CNTN5: variants seen among roughly 807,000 people sequenced by gnomAD.
CNTN5 encodes contactin-5.
A neutral mutation model predicts 129.1 loss-of-function variants in CNTN5; 77 were observed. The observed-to-expected ratio is 0.60, with a 90% CI of 0.50 to 0.72. The LOEUF (loss-of-function observed/expected upper bound fraction) is 0.72. CNTN5 is among the 30% of genes least tolerant of loss of function. CNTN5 has a pLI of 0.00. For missense variants in CNTN5, 1,478 were observed against 1,328.8 expected (o/e 1.11, Z -1.75); for synonymous variants, 509 against 465.6 (o/e 1.09, Z -1.20).
chr11:99,217,337 C>T (rs1860181604), intron 1 of CNTN5, among the ~76,000 whole-genome samples: 1 of 152,108 alleles, frequency 6.6e-6, no homozygotes, highest in South Asian at 2.1e-4. Context: ...AAACTGTCAA[C>T]ATTACTAATT....
At chr11:99,045,535 A>C (rs570491626) in intron 1 of CNTN5, among the ~76,000 whole-genome samples, 15 of 152,354 alleles carry the variant, frequency 9.8e-5, no homozygotes, top group African/African-American at 3.4e-4. Flanking sequence ...GAGAACTGCA[A>C]TAAATTACAA....
chr11:99,307,456 C>T (rs1157259986), intron 1 of CNTN5, among the ~76,000 whole-genome samples: 1 of 152,116 alleles, frequency 6.6e-6, no homozygotes, highest in Non-Finnish European at 1.5e-5. Context: ...TCAAAAAATG[C>T]ATATTTTCTC....
Position 99,695,428 on chromosome 11 carries a change from A to G in CNTN5, c.56-124116A>G, listed in dbSNP as rs150849743. On this transcript the variant is annotated intron_variant, in intron 3 of 24. Transcript: ENST00000524871. ...ACCAGGGTGTTGCCTGCAAAAGGCT[A>G]AAACTCAGAGACATGGGATACAAGT... Among the ~76,000 whole-genome samples the G allele has an allele frequency of 2.9e-3, 443 of 152,296 alleles. 1 individual carries two copies. Among genetic ancestry groups the G allele is most frequent in the Middle Eastern group, 0.024 (7 of 294 alleles).
intron 3 of CNTN5, among the ~76,000 whole-genome samples, chr11:99,808,647 G>A (rs373360766): frequency 6.6e-6 from 1 of 152,078 alleles, no homozygotes; most frequent in African/African-American, 2.4e-5. Flanking sequence ...GGGATTCCTA[G>A]GCAACTTTTT....
intron 3 of CNTN5, among the ~76,000 whole-genome samples, chr11:99,635,397 T>G (rs1283631631): frequency 2.6e-5 from 4 of 152,118 alleles, no homozygotes; most frequent in African/African-American, 7.2e-5. Flanking sequence ...TCCTTTAAAA[T>G]TAGAGATTAC....
At chr11:100,018,520 C>G (rs144332030) in intron 9 of CNTN5, among the ~76,000 whole-genome samples, 1,687 of 151,948 alleles carry the variant, frequency 0.011, 20 homozygotes, top group Non-Finnish European at 0.019. Flanking sequence ...CTTTATATTG[C>G]ACAGTAGTGT....
At chr11:100,146,201 G>T (rs1946847101) in intron 13 of CNTN5, among the ~76,000 whole-genome samples, 1 of 151,968 alleles carries the variant, frequency 6.6e-6, no homozygotes, top group Non-Finnish European at 1.5e-5. Context: ...TTTGATTAAG[G>T]GTGACTGTAT....
At chr11:99,851,052 G>A (rs1450700783) in intron 6 of CNTN5, among the ~76,000 whole-genome samples, 1 of 334 alleles carries the variant, frequency 3.0e-3, no homozygotes, top group East Asian at 0.05. Context: ...ACAACTAACA[G>A]ATTTAGCAGC....
chr11:99,675,336 G>C (rs1214342040), intron 3 of CNTN5, among the ~76,000 whole-genome samples: 1 of 152,092 alleles, frequency 6.6e-6, no homozygotes, highest in Non-Finnish European at 1.5e-5. Flanking sequence ...GAAGTCATCT[G>C]TGGGAGGGGC....
At chr11:99,400,304 A>C (rs1254035509) in intron 2 of CNTN5, among the ~76,000 whole-genome samples, 1 of 152,146 alleles carries the variant, frequency 6.6e-6, no homozygotes, top group Non-Finnish European at 1.5e-5. Flanking sequence ...TATTTCGCTT[A>C]ACATAATGAA....
intron 7 of CNTN5, among the ~76,000 whole-genome samples, chr11:99,939,544 G>T (rs1316055107): frequency 6.6e-6 from 1 of 151,958 alleles, no homozygotes; most frequent in African/African-American, 2.4e-5. Context: ...TCTACAATGT[G>T]TAAGATTTTA....
chr11:99,428,110 T>A (rs562613430), intron 2 of CNTN5, among the ~76,000 whole-genome samples: 35 of 152,292 alleles, frequency 2.3e-4, no homozygotes, highest in African/African-American at 7.7e-4. Flanking sequence ...CAAAATTTGT[T>A]CTCATAGAAA....
At chr11:99,703,973 T>G (rs1345793872) in intron 3 of CNTN5, among the ~76,000 whole-genome samples, 1 of 151,076 alleles carries the variant, frequency 6.6e-6, no homozygotes, top group Non-Finnish European at 1.5e-5. Flanking sequence ...CAAGTTGTGA[T>G]GGATTTATAG....
chr11:99,312,748 T>A (rs570113987), intron 1 of CNTN5, among the ~76,000 whole-genome samples: 373 of 152,188 alleles, frequency 2.5e-3, no homozygotes, highest in Non-Finnish European at 3.9e-3. Flanking sequence ...TACCCATTGT[T>A]ATTATATTCC....
chr11:99,845,194 A>T lies in CNTN5; in HGVS notation c.509A>T (p.His170Leu). The T allele has an allele frequency of 6.2e-7, 1 of 1,613,742 alleles. No homozygotes were observed. Among genetic ancestry groups the T allele is most frequent in the Non-Finnish European group, 8.5e-7 (1 of 1,179,806 alleles). The change falls in exon 6 of 25, where the codon CAT (histidine) becomes CTT (leucine). Residue 170 changes from histidine (H) to leucine (L), a missense_variant. By Grantham distance (99) the His-to-Leu change is moderately conservative. Transcript: ENST00000524871. The part of the protein sequence containing the change: ...SNPSEAKDSG[H>L]YQCLATNTVG... The stretch of plus-strand genomic sequence containing the variant: ...CCAAGTGAAGCAAAGGATTCTGGTC[A>T]TTATCAGTGTTTAGCAACCAACACT...
At chr11:99,672,840 C>G (rs1223846795) in intron 3 of CNTN5, among the ~76,000 whole-genome samples, 1 of 151,718 alleles carries the variant, frequency 6.6e-6, no homozygotes, top group African/African-American at 2.4e-5. Flanking sequence ...GAAACAATTC[C>G]AAAAACAGAA....
At chr11:99,350,688 G>A (rs1938235921) in intron 2 of CNTN5, among the ~76,000 whole-genome samples, 1 of 151,992 alleles carries the variant, frequency 6.6e-6, no homozygotes, top group Admixed American at 6.6e-5. Context: ...GCTGCATGAA[G>A]GAAACCTCAG....
intron 3 of CNTN5, among the ~76,000 whole-genome samples, chr11:99,791,741 T>C (rs930438570): frequency 2.0e-5 from 3 of 152,186 alleles, no homozygotes; most frequent in African/African-American, 7.2e-5. Context: ...ATTATTCCTA[T>C]AAGAGTGGAA....
intron 1 of CNTN5, among the ~76,000 whole-genome samples, chr11:99,166,067 G>T (rs375540613): frequency 1.3e-5 from 2 of 152,036 alleles, no homozygotes; most frequent in African/African-American, 2.4e-5. Flanking sequence ...AAAAATGACC[G>T]CCTGAACTAT....
Sources: gnomAD v4.1 joint callset for allele counts (sites outside exome capture counted in the v4.1 genomes callset) on GRCh38, gnomAD v4.1.1 for gene constraint, MANE v1.5 for transcripts, NCBI Gene and HGNC (gene_info 2026-07-23, HGNC 2026-07-21) for gene names.